Variants in NEGR1 observed in about 807,000 individuals in gnomAD.
NEGR1 encodes the protein neuronal growth regulator 1.
In NEGR1, 10 loss-of-function variants were observed where a neutral mutation model predicts 40.9. The observed-to-expected ratio is 0.24, with a 90% CI of 0.15 to 0.42. The LOEUF (loss-of-function observed/expected upper bound fraction) is 0.42, where lower values mean the gene tolerates loss of function less well. NEGR1 is among the 10% of genes least tolerant of loss of function. The pLI is 1.00. For synonymous variants in NEGR1, 185 were observed against 166.8 expected (o/e 1.11, Z -0.84); for missense variants, 352 against 438.9 (o/e 0.80, Z 1.77).
intron 4 of NEGR1, among the ~76,000 whole-genome samples, chr1:71,691,339 C>A (rs1236134740): frequency 6.6e-6 from 1 of 151,334 alleles, no homozygotes; most frequent in African/African-American, 2.4e-5. Context: ...AGGTTTAATT[C>A]TTAGTTTTTT....
In NEGR1 at chr1:71,827,865, A is replaced by G. The variant is rs574546558; in HGVS notation, c.410-51568T>C. Among the ~76,000 whole-genome samples, 30 of 152,006 alleles carry G rather than the reference A, an allele frequency of 2.0e-4. No individual in the cohort carries two copies. In the East Asian group the frequency reaches 5.8e-3, roughly 30 times the overall value. Reference sequence around the variant, plus strand: ...GACCCAGATAAAAAATACAAATCCTATGTCAATGATAAAGATGTAAAAAAG... The same window carrying G: ...GACCCAGATAAAAAATACAAATCCTGTGTCAATGATAAAGATGTAAAAAAG... On this transcript the variant is annotated intron_variant, in intron 2 of 6. Transcript: ENST00000357731.
intron 1 of NEGR1, among the ~76,000 whole-genome samples, chr1:72,222,595 C>G (rs1654049445): frequency 6.6e-6 from 1 of 152,126 alleles, no homozygotes; most frequent in Admixed American, 6.6e-5. Context: ...ACTCAGCAAG[C>G]TTCTAGAGGT....
rs1272314066 is a variant in NEGR1 at position 71,718,004 on chromosome 1, A to G, written c.536-19865T>C. ...CAGACTTATAGCCTCCAGAATTGTG[A>G]GACAATACATTTCTGCTGTTGAAGC... On this transcript the variant is annotated intron_variant, in intron 3 of 6. Coordinates refer to ENST00000357731, the MANE Select transcript of NEGR1 (RefSeq NM_173808.3). Among the ~76,000 whole-genome samples, 5 of 152,168 alleles carry G rather than the reference A, an allele frequency of 3.3e-5. No individual in the cohort carries two copies. The East Asian group carries it at 9.6e-4, about 29-fold the overall frequency.
At chr1:71,431,586 T>C (rs555969968) in intron 6 of NEGR1, among the ~76,000 whole-genome samples, 10 of 152,104 alleles carry the variant, frequency 6.6e-5, no homozygotes, top group Non-Finnish European at 1.3e-4. Flanking sequence ...ATTCATTCAT[T>C]CATTCAACAG....
At chr1:71,983,073 T>C (rs1024818812) in intron 1 of NEGR1, among the ~76,000 whole-genome samples, 8 of 152,156 alleles carry the variant, frequency 5.3e-5, no homozygotes, top group African/African-American at 1.9e-4. Context: ...AATGTTCTTT[T>C]TAAACTATAT....
intron 6 of NEGR1, among the ~76,000 whole-genome samples, chr1:71,505,792 G>A (rs1647029002): frequency 6.6e-6 from 1 of 152,176 alleles, no homozygotes; most frequent in Non-Finnish European, 1.5e-5. Flanking sequence ...CATTTGGTCA[G>A]ACCTTAGAAA....
At chr1:71,680,687 C>T (rs1652809914) in intron 4 of NEGR1, among the ~76,000 whole-genome samples, 1 of 152,084 alleles carries the variant, frequency 6.6e-6, no homozygotes, top group Non-Finnish European at 1.5e-5. Flanking sequence ...ATTTTAACAC[C>T]ATTGCTCTCC....
intron 2 of NEGR1, among the ~76,000 whole-genome samples, chr1:71,785,628 C>T (rs989393344): frequency 5.3e-5 from 8 of 152,082 alleles, no homozygotes; most frequent in African/African-American, 1.9e-4. Flanking sequence ...CAACAAATAC[C>T]CTTTGGAATG....
intron 1 of NEGR1, among the ~76,000 whole-genome samples, chr1:72,199,341 T>TCTA (rs1440841441): frequency 6.6e-6 from 1 of 152,068 alleles, no homozygotes; most frequent in East Asian, 1.9e-4. Context: ...TATCACAACA[T>TCTA]CTCTAGAAGG....
chr1:71,997,422 C>G (rs1208729877), intron 1 of NEGR1, among the ~76,000 whole-genome samples: 1 of 151,982 alleles, frequency 6.6e-6, no homozygotes, highest in African/African-American at 2.4e-5. Context: ...CCAAAACGTC[C>G]AAGTACAAAT....
At chr1:71,943,245 C>CACACATACATACACATGTATCAT (rs1645988169) in intron 1 of NEGR1, among the ~76,000 whole-genome samples, 1 of 149,240 alleles carries the variant, frequency 6.7e-6, no homozygotes, top group Non-Finnish European at 1.5e-5. Flanking sequence ...CACACATACA[C>CACACATACATACACATGTATCAT]ACACATACAT....
At chr1:71,605,388 G>T (rs530411980) in intron 5 of NEGR1, among the ~76,000 whole-genome samples, 1 of 152,172 alleles carries the variant, frequency 6.6e-6, no homozygotes, top group East Asian at 1.9e-4. Flanking sequence ...AGGTAATCTA[G>T]AAAAAGAGGA....
chr1:71,466,659 A>G (rs1646748044), intron 6 of NEGR1, among the ~76,000 whole-genome samples: 1 of 152,096 alleles, frequency 6.6e-6, no homozygotes, highest in South Asian at 2.1e-4. Context: ...GAATGCTGCA[A>G]GCAGAGAGAG....
In NEGR1 at chr1:71,762,268, G is replaced by A. The variant is rs751137309; in HGVS notation, c.535+13904C>T. On this transcript the variant is annotated intron_variant, in intron 3 of 6. Coordinates refer to ENST00000357731, the MANE Select transcript of NEGR1 (RefSeq NM_173808.3). ...AGAAAATAGAGAAACAAAAATGAGA[G>A]GCAACAAACAGAAAAAGAAAAAAGA... Among the ~76,000 whole-genome samples, 3 of 142,730 alleles carry A rather than the reference G, an allele frequency of 2.1e-5. No individual in the cohort carries two copies. The Admixed American group carries it at 2.3e-4, about 11-fold the overall frequency. 93.6% of individuals were successfully genotyped at this position (142,730 alleles called of 152,430 possible). A position where few individuals can be genotyped will look rare whatever the true frequency, so the allele number is the denominator to read the frequency against.
intron 2 of NEGR1, among the ~76,000 whole-genome samples, chr1:71,928,921 T>A (rs1052555633): frequency 6.6e-6 from 1 of 152,194 alleles, no homozygotes; most frequent in South Asian, 2.1e-4. Flanking sequence ...CACTATAATG[T>A]AAATGGGGTA....
At chr1:71,474,512 A>C (rs1276622326) in intron 6 of NEGR1, among the ~76,000 whole-genome samples, 1 of 128,858 alleles carries the variant, frequency 7.8e-6, no homozygotes, top group Non-Finnish European at 1.6e-5. Context: ...CATCTCTACT[A>C]ACAATACACA....
chr1:71,412,591 T>C (rs1055378426), intron 6 of NEGR1, among the ~76,000 whole-genome samples: 1 of 152,200 alleles, frequency 6.6e-6, no homozygotes, highest in East Asian at 1.9e-4. Context: ...TATGCATGTG[T>C]CAAATTCAAG....
chr1:71,409,846 A>T (rs1646303777), intron 6 of NEGR1, among the ~76,000 whole-genome samples: 1 of 152,024 alleles, frequency 6.6e-6, no homozygotes, highest in South Asian at 2.1e-4. Context: ...TCTTTTCTGA[A>T]GGAAGCCACG....
intron 1 of NEGR1, among the ~76,000 whole-genome samples, chr1:72,177,901 G>C (rs1170799999): frequency 6.6e-6 from 1 of 151,880 alleles, no homozygotes; most frequent in Non-Finnish European, 1.5e-5. Flanking sequence ...CCATTGAGAA[G>C]AGCAGAATGA....
Sources: allele counts gnomAD v4.1 joint callset (sites outside exome capture counted in the v4.1 genomes callset), GRCh38; gene constraint gnomAD v4.1.1; transcripts MANE v1.5; gene names NCBI Gene and HGNC (gene_info 2026-07-23, HGNC 2026-07-21).